The following STC1 variants were observed in gnomAD, a reference collection of about 807,000 sequenced individuals.
STC1 encodes the protein stanniocalcin-1.
A neutral mutation model predicts 22.6 loss-of-function variants in STC1; 7 were observed. The ratio of observed to expected loss-of-function variants is 0.31; its 90% confidence interval spans 0.18 to 0.58. The LOEUF is 0.58. Ranked by LOEUF, STC1 falls within the 20% of genes least tolerant of loss-of-function variation. STC1 has a pLI of 0.89. For missense variants in STC1, 224 were observed against 311.0 expected (o/e 0.72, Z 2.10); for synonymous variants, 113 against 120.7 (o/e 0.94, Z 0.42).
chr8:23,850,708 C>T (rs1221995734), intron 3 of STC1, among the ~76,000 whole-genome samples: 2 of 151,996 alleles, frequency 1.3e-5, no homozygotes, highest in East Asian at 3.9e-4. Context: ...AAATCTTGGG[C>T]TAGAGGAATG....
At position 23,842,138 on chromosome 8, in the gene STC1, G is replaced by C. The variant is rs1802518357; in HGVS notation, c.*2632C>G. 1 of 152,558 alleles carries C rather than the reference G, an allele frequency of 6.6e-6. No individual in the cohort carries two copies. Among genetic ancestry groups the C allele is most frequent in the Non-Finnish European group, 1.5e-5 (1 of 68,036 alleles). The allele number at this position is 152,558 out of a possible 1,614,324, so 9.5% of individuals were successfully genotyped here. ...ATGACATATACCAGATATGCTCACT[G>C]TTTATTCCAGTACTCAGCCAAAAAC... On this transcript the variant is annotated 3_prime_UTR_variant, in exon 4 of 4. Transcript: ENST00000290271.
In STC1 at chr8:23,844,836, G is replaced by C. The variant is rs201108325; in HGVS notation, c.678C>G (p.Leu226=). ...TNEPQKLKVL[L]RNLRGEEDSP... is the part of the protein sequence containing the mutation. ...AGTCCTCCTCACCTCGGAGGTTCCT[G>C]AGGAGGACTTTCAGCTTCTGCGGCT... Residue 226 remains leucine (L), a synonymous_variant, in exon 4 of 4, where the codon CTC becomes CTG. Coordinates refer to ENST00000290271, the MANE Select transcript of STC1 (RefSeq NM_003155.3). 82 of 1,614,010 alleles carry C rather than the reference G, an allele frequency of 5.1e-5. No homozygotes were observed. Among genetic ancestry groups the C allele is most frequent in the Admixed American group, 3.3e-5 (2 of 60,004 alleles).
In STC1 at chr8:23,844,984, G is replaced by A. The variant is rs1802554801; in HGVS notation, c.530C>T (p.Thr177Ile). 1 of 1,614,176 alleles carries A rather than the reference G, an allele frequency of 6.2e-7. No homozygotes were observed. Among genetic ancestry groups the A allele is most frequent in the Non-Finnish European group, 8.5e-7 (1 of 1,180,018 alleles). Reference protein sequence around the residue: ...LLECDEDTVSTIRDSLMEKIG... With the variant: ...LLECDEDTVSIIRDSLMEKIG... ...TTTCTCCATCAGGCTGTCTCTGATTGTGCTGACTGTGTCTTCATCACATTC... is the reference window on the plus strand; with the variant it reads ...TTTCTCCATCAGGCTGTCTCTGATTATGCTGACTGTGTCTTCATCACATTC... Residue 177 changes from threonine to isoleucine, a missense_variant, in exon 4 of 4, where the codon ACA becomes ATA. By Grantham distance (89) the Thr-to-Ile change is moderately conservative. Transcript: ENST00000290271.
At chr8:23,853,518 C>A (rs993530727) in intron 1 of STC1, among the ~76,000 whole-genome samples, 1 of 152,186 alleles carries the variant, frequency 6.6e-6, no homozygotes, top group African/African-American at 2.4e-5. Context: ...GACCTGTGCT[C>A]TTCCAAGGGG....
At chr8:23,845,550 A>T (rs766614333) in intron 3 of STC1, among the ~76,000 whole-genome samples, 10 of 146,150 alleles carry the variant, frequency 6.8e-5, no homozygotes, top group Non-Finnish European at 1.4e-4. Context: ...GTGTGTGGGC[A>T]CAGGTGTGTG....
At chr8:23,847,755 G>A (rs12681669) in intron 3 of STC1, among the ~76,000 whole-genome samples, 25,838 of 152,162 alleles carry the variant, frequency 0.17, 2,328 homozygotes, top group Admixed American at 0.21. Flanking sequence ...CTTAGCAATC[G>A]TCACCTATTT....
At chr8:23,848,614 A>C (rs1160971991) in intron 3 of STC1, among the ~76,000 whole-genome samples, 2 of 150,876 alleles carry the variant, frequency 1.3e-5, no homozygotes, top group Non-Finnish European at 3.0e-5. Flanking sequence ...TGTTGGAAAG[A>C]CTTGGTGGAC....
At chr8:23,848,511 A>G (rs567806004) in intron 3 of STC1, among the ~76,000 whole-genome samples, 12 of 139,074 alleles carry the variant, frequency 8.6e-5, no homozygotes, top group Admixed American at 8.6e-4. Flanking sequence ...CAGCCTGGGC[A>G]ACAGAGCGAT....
chr8:23,854,661 TTTGTTG>T lies in STC1; in HGVS notation c.-144_-139del, dbSNP rs1264721358. 10 of 834,338 alleles carry T rather than the reference TTTGTTG, an allele frequency of 1.2e-5. No homozygotes were observed. The South Asian group carries it at 1.4e-4, about 12-fold the overall frequency. The allele number at this position is 834,338 out of a possible 1,614,324, so 51.7% of individuals were successfully genotyped here. On this transcript the variant is annotated 5_prime_UTR_variant, in exon 1 of 4. Coordinates refer to ENST00000290271, the MANE Select transcript of STC1 (RefSeq NM_003155.3). ...GGTGAGGATTTGATGAGGATTTTTT[TTTGTTG>T]TTGTTGCTGGTGATGCTGCTGCTGC... is the stretch of plus-strand genomic sequence containing the variant.
chr8:23,845,384 T>C (rs1168164807), intron 3 of STC1, among the ~76,000 whole-genome samples: 2 of 152,140 alleles, frequency 1.3e-5, no homozygotes, highest in Non-Finnish European at 2.9e-5. Context: ...ATTTGGTGAC[T>C]AGTTCAACTC....
intron 3 of STC1, among the ~76,000 whole-genome samples, chr8:23,847,037 C>T (rs1802581645): frequency 6.6e-6 from 1 of 152,154 alleles, no homozygotes; most frequent in Non-Finnish European, 1.5e-5. Flanking sequence ...TCCCATCCCT[C>T]CAATAAGGAC....
In STC1 at chr8:23,852,264, C is replaced by T; in HGVS notation, c.239G>A (p.Ser80Asn). 6.2e-7 allele frequency: 1 copy of T among 1,614,138 alleles called. No individual in the cohort carries two copies. Among genetic ancestry groups the T allele is most frequent in the Non-Finnish European group, 8.5e-7 (1 of 1,180,032 alleles). ...MYDICKSFLY[S>N]AAKFDTQGKA... is the part of the protein sequence containing the mutation. ...TACCTGAGTGTCAAATTTAGCAGCG[C>T]TGTACAAGAAGGATTTACAGATGTC... The change falls in exon 2 of 4, where the codon AGC becomes AAC. Residue 80 changes from serine to asparagine, a missense_variant. Transcript: ENST00000290271.
Position 23,851,371 on chromosome 8 carries a change from T to C in STC1, c.422A>G (p.Asn141Ser). 1 of 1,614,118 alleles carries C rather than the reference T, an allele frequency of 6.2e-7. No homozygotes were observed. Among genetic ancestry groups the C allele is most frequent in the Non-Finnish European group, 8.5e-7 (1 of 1,180,038 alleles). The change falls in exon 3 of 4, where the codon AAC becomes AGC. Residue 141 changes from asparagine (N) to serine (S), a missense_variant. By Grantham distance (46) the Asn-to-Ser change is conservative. Transcript: ENST00000290271. The stretch of plus-strand genomic sequence containing the variant: ...GACGACCTCAGTGATGGCTTCAGGG[T>C]TCCGCTTGGCGATGCTGCACACATT... ...KLNVCSIAKRNPEAITEVVQL... is the reference protein window; with the variant it reads ...KLNVCSIAKRSPEAITEVVQL...
At position 23,843,385 on chromosome 8, in the gene STC1, C is replaced by T. The variant is rs1026035464; in HGVS notation, c.*1385G>A. Reference sequence around the variant, plus strand: ...GACTACTTTGGCAGGCAGCGTGCTACAGGACGAAAATGTAAGAGAAGTCTA... The same window carrying T: ...GACTACTTTGGCAGGCAGCGTGCTATAGGACGAAAATGTAAGAGAAGTCTA... On this transcript the variant is annotated 3_prime_UTR_variant, in exon 4 of 4. Transcript: ENST00000290271. 5 of 152,242 alleles carry T rather than the reference C, an allele frequency of 3.3e-5. No homozygotes were observed. Among genetic ancestry groups the T allele is most frequent in the African/African-American group, 1.2e-4 (5 of 41,260 alleles). The allele number at this position is 152,242 out of a possible 1,614,324, so 9.4% of individuals were successfully genotyped here. A position where few individuals can be genotyped will look rare whatever the true frequency, so the allele number is the denominator to read the frequency against.
Position 23,844,569 on chromosome 8 carries a change from T to G in STC1, c.*201A>C. 1.9e-5 allele frequency: 12 copies of G among 621,102 alleles called. No individual in the cohort carries two copies. Among genetic ancestry groups the G allele is most frequent in the East Asian group, 5.7e-5 (2 of 34,810 alleles). 38.5% of individuals were successfully genotyped at this position (621,102 alleles called of 1,614,324 possible). On this transcript the variant is annotated 3_prime_UTR_variant, in exon 4 of 4. Coordinates refer to ENST00000290271, the MANE Select transcript of STC1 (RefSeq NM_003155.3). ...AGGAGAGGCAGAATGGTCACATGGATTTTGTTGGTGGGAATGCTGCCATTG... is the reference window on the plus strand; with the variant it reads ...AGGAGAGGCAGAATGGTCACATGGAGTTTGTTGGTGGGAATGCTGCCATTG...
chr8:23,846,833 G>T (rs1415801797), intron 3 of STC1, among the ~76,000 whole-genome samples: 1 of 152,162 alleles, frequency 6.6e-6, no homozygotes, highest in Admixed American at 6.5e-5. Flanking sequence ...ATCTCCTTTG[G>T]ATGGGGAAAT....
Position 23,851,045 on chromosome 8 carries a change from G to A in STC1, c.473+275C>T, listed in dbSNP as rs532835509. 2.0e-5 allele frequency among the ~76,000 whole-genome samples: 3 copies of A among 151,486 alleles called. No homozygotes were observed. The East Asian group carries it at 5.9e-4, about 30-fold the overall frequency. The stretch of plus-strand genomic sequence containing the variant: ...CCCTTCAGGCTTATGGCAAAAAATG[G>A]TCAATGAAAGCACCCAGGGATGCTG... On this transcript the variant is annotated intron_variant, in intron 3 of 3. Coordinates refer to ENST00000290271, the MANE Select transcript of STC1 (RefSeq NM_003155.3).
At chr8:23,845,086 C>G in intron 3 of STC1, 46 bp from the exon 4 acceptor site, 1 of 1,594,234 alleles carries the variant, frequency 6.3e-7, no homozygotes. Context: ...CAGTGAGAGC[C>G]CGGCGAGACC....
chr8:23,847,800 CCTATAG>C (rs1802590363), intron 3 of STC1, among the ~76,000 whole-genome samples: 2 of 152,202 alleles, frequency 1.3e-5, no homozygotes, highest in African/African-American at 4.8e-5. Context: ...TCTTATAGTT[CCTATAG>C]CTATTGGTAG....
Sources: gnomAD v4.1 joint callset for allele counts (sites outside exome capture counted in the v4.1 genomes callset) on GRCh38, gnomAD v4.1.1 for gene constraint, MANE v1.5 for transcripts, NCBI Gene and HGNC (gene_info 2026-07-23, HGNC 2026-07-21) for gene names.